Variants in MACROD2 observed in about 807,000 individuals in gnomAD.
MACROD2 encodes the protein mono-ADP ribosylhydrolase 2.
A neutral mutation model predicts 70.4 loss-of-function variants in MACROD2; 36 were observed. That is an observed-to-expected ratio of 0.51 (90% CI 0.39 to 0.68). The LOEUF is 0.68. Ranked by LOEUF, MACROD2 falls within the 30% of genes least tolerant of loss-of-function variation. The pLI, the probability that MACROD2 is intolerant of heterozygous loss-of-function variation, is 0.00. For missense variants in MACROD2, 496 were observed against 538.4 expected (o/e 0.92, Z 0.78); for synonymous variants, 172 against 178.8 (o/e 0.96, Z 0.30).
intron 8 of MACROD2, among the ~76,000 whole-genome samples, chr20:15,666,193 A>G (rs1230666564): frequency 6.6e-6 from 1 of 152,228 alleles, no homozygotes; most frequent in Non-Finnish European, 1.5e-5. Context: ...AGTGGCATAT[A>G]TCCCAAAAAC....
At chr20:14,668,862 T>A (rs1023609621) in intron 4 of MACROD2, among the ~76,000 whole-genome samples, 1 of 151,948 alleles carries the variant, frequency 6.6e-6, no homozygotes, top group Non-Finnish European at 1.5e-5. Flanking sequence ...CAAAAAGGAG[T>A]AAAATTTCAT....
At chr20:14,197,961 A>T (rs1256084259) in intron 3 of MACROD2, among the ~76,000 whole-genome samples, 1 of 152,204 alleles carries the variant, frequency 6.6e-6, no homozygotes, top group African/African-American at 2.4e-5. Context: ...GACACATTAC[A>T]TTACAAAAAA....
At chr20:15,030,531 G>T (rs1327261657) in intron 5 of MACROD2, among the ~76,000 whole-genome samples, 17 of 152,146 alleles carry the variant, frequency 1.1e-4, no homozygotes, top group Admixed American at 1.1e-3. Flanking sequence ...GCAGTCACCT[G>T]CCCAGCTGCA....
intron 6 of MACROD2, among the ~76,000 whole-genome samples, chr20:15,261,633 T>C (rs541474993): frequency 3.3e-5 from 5 of 152,174 alleles, no homozygotes; most frequent in Admixed American, 1.3e-4. Flanking sequence ...CTGATGCTTT[T>C]TGAAGAAAAG....
rs1429362988 is a variant in MACROD2 at position 16,051,769 on chromosome 20, A to G, written c.*1893A>G. 6.6e-6 allele frequency: 1 copy of G among 152,206 alleles called. No individual in the cohort carries two copies. The highest frequency in any genetic ancestry group is 1.5e-5 in the Non-Finnish European group (1 of 68,034). 9.4% of individuals were successfully genotyped at this position (152,206 alleles called of 1,614,324 possible). On this transcript the variant is annotated 3_prime_UTR_variant, in exon 18 of 18. Coordinates refer to ENST00000684519, the MANE Select transcript of MACROD2 (RefSeq NM_001351661.2). Reference sequence around the variant, plus strand: ...TCTTGTGAAGTATTTGACAAGTGCAATCTGCTAGAAGCTCGTTTTTCTTGT... The same window carrying G: ...TCTTGTGAAGTATTTGACAAGTGCAGTCTGCTAGAAGCTCGTTTTTCTTGT...
intron 3 of MACROD2, among the ~76,000 whole-genome samples, chr20:14,407,567 C>G (rs1190827457): frequency 1.3e-5 from 2 of 152,084 alleles, no homozygotes; most frequent in Non-Finnish European, 2.9e-5. Context: ...AAAAGCCATT[C>G]CCAGTAAAAT....
chr20:14,826,912 A>G (rs2072908845), intron 5 of MACROD2, among the ~76,000 whole-genome samples: 1 of 152,086 alleles, frequency 6.6e-6, no homozygotes, highest in South Asian at 2.1e-4. Flanking sequence ...ATGCTAATGG[A>G]GTCCTGGAAG....
intron 10 of MACROD2, among the ~76,000 whole-genome samples, chr20:15,922,957 T>C (rs1302791890): frequency 4.0e-5 from 4 of 99,180 alleles, no homozygotes; most frequent in Admixed American, 3.6e-4. Flanking sequence ...ATACATTGAT[T>C]TTATGAAAAG....
intron 5 of MACROD2, among the ~76,000 whole-genome samples, chr20:15,124,721 G>T (rs937029685): frequency 9.9e-5 from 15 of 151,510 alleles, no homozygotes; most frequent in African/African-American, 3.6e-4. Flanking sequence ...AGTTCTTTAG[G>T]ACATTAATCA....
intron 8 of MACROD2, among the ~76,000 whole-genome samples, chr20:15,845,983 T>C (rs1259260847): frequency 6.6e-6 from 1 of 152,208 alleles, no homozygotes; most frequent in Admixed American, 6.5e-5. Context: ...ATGTGGCCTG[T>C]CTAAAACAGG....
At chr20:15,588,647 G>A (rs2048636341) in intron 8 of MACROD2, among the ~76,000 whole-genome samples, 1 of 152,064 alleles carries the variant, frequency 6.6e-6, no homozygotes, top group South Asian at 2.1e-4. Context: ...TCTTTCTCAA[G>A]TTCAAAGTAC....
intron 5 of MACROD2, among the ~76,000 whole-genome samples, chr20:15,094,541 CTT>C (rs1375194402): frequency 3.3e-5 from 5 of 152,096 alleles, no homozygotes; most frequent in Admixed American, 2.0e-4. Flanking sequence ...AAATTTGACT[CTT>C]GTATACTTAA....
chr20:15,633,899 C>T (rs1029374569), intron 8 of MACROD2, among the ~76,000 whole-genome samples: 4 of 152,050 alleles, frequency 2.6e-5, no homozygotes, highest in Non-Finnish European at 4.4e-5. Context: ...TTTGCATCTC[C>T]GATGAGTTAG....
intron 8 of MACROD2, among the ~76,000 whole-genome samples, chr20:15,735,817 G>T (rs1199381694): frequency 6.6e-6 from 1 of 152,300 alleles, no homozygotes; most frequent in Non-Finnish European, 1.5e-5. Context: ...TGCATGAAAT[G>T]AGAAAGTCAT....
rs144707080 is a variant in MACROD2, at chr20:15,811,115, C to G, written c.646-51630C>G. ...ATCTAATTAAACTAAAGAGCTTCTA[C>G]ACAGCAAAAGAAACTGCCATCAGAG... is the stretch of plus-strand genomic sequence containing the variant. On this transcript the variant is annotated intron_variant, in intron 8 of 17. Transcript: ENST00000684519. Among the ~76,000 whole-genome samples the G allele has an allele frequency of 4.7e-3, 723 of 152,230 alleles. 6 individuals are homozygous for G. Among genetic ancestry groups the G allele is most frequent in the East Asian group, 0.015 (80 of 5,188 alleles).
intron 8 of MACROD2, among the ~76,000 whole-genome samples, chr20:15,585,028 C>T (rs1327222470): frequency 6.6e-6 from 1 of 152,080 alleles, no homozygotes; most frequent in Non-Finnish European, 1.5e-5. Context: ...TGCTGATGTG[C>T]CAGTCTAGGG....
chr20:15,759,238 G>A lies in MACROD2; in HGVS notation c.646-103507G>A, dbSNP rs188535221. 2.9e-3 allele frequency among the ~76,000 whole-genome samples: 431 copies of A among 150,780 alleles called. 3 individuals are homozygous for A. Among genetic ancestry groups the A allele is most frequent in the African/African-American group, 9.6e-3 (393 of 41,048 alleles). On this transcript the variant is annotated intron_variant, in intron 8 of 17. Transcript: ENST00000684519. ...TTCAAAGATGCCTCTGTGGGAACCCGTTAATTCCATAAGGAGCGTTTTCAC... is the reference window on the plus strand; with the variant it reads ...TTCAAAGATGCCTCTGTGGGAACCCATTAATTCCATAAGGAGCGTTTTCAC...
At chr20:15,809,971 G>T (rs1026856589) in intron 8 of MACROD2, among the ~76,000 whole-genome samples, 25 of 149,240 alleles carry the variant, frequency 1.7e-4, no homozygotes, top group African/African-American at 5.9e-4. Context: ...CCATTAACTC[G>T]TCATTTAGCA....
intron 4 of MACROD2, among the ~76,000 whole-genome samples, chr20:14,500,340 G>A (rs1238137805): frequency 1.3e-5 from 2 of 152,182 alleles, no homozygotes; most frequent in Non-Finnish European, 2.9e-5. Flanking sequence ...GTCATCGCCA[G>A]TGCGAGCTCC....
Sources: gnomAD v4.1 joint callset for allele counts (sites outside exome capture counted in the v4.1 genomes callset) on GRCh38, gnomAD v4.1.1 for gene constraint, MANE v1.5 for transcripts, NCBI Gene and HGNC (gene_info 2026-07-23, HGNC 2026-07-21) for gene names.